Variants in METTL6 observed in about 807,000 individuals in gnomAD.
The protein encoded by METTL6 is tRNA N(3)-cytidine methyltransferase METTL6.
Under a neutral mutation model 26.4 loss-of-function variants are expected in METTL6, and 22 were observed. The ratio of observed to expected loss-of-function variants is 0.83; its 90% CI spans 0.59 to 1.19. The LOEUF is 1.19. Ranked by LOEUF, METTL6 falls within the 50% of genes most tolerant of loss-of-function variation. The pLI is 0.00. For synonymous variants in METTL6, 109 were observed against 116.2 expected (o/e 0.94, Z 0.40); for missense variants, 304 against 324.8 (o/e 0.94, Z 0.49).
Position 15,426,252 on chromosome 3 carries a change from A to T in METTL6, c.225+35T>A, listed in dbSNP as rs769502759. On this transcript the variant is annotated intron_variant, in intron 2 of 5. Coordinates refer to ENST00000383790, the MANE Select transcript of METTL6 (RefSeq NM_152396.4). ...TGGCACCCTCTTCACATTTTAAATG[A>T]AGAACAGCTCAGATAAGGCGTAATA... 5.6e-6 allele frequency: 9 copies of T among 1,593,516 alleles called. No homozygotes were observed. In the East Asian group the frequency reaches 8.9e-5, roughly 16 times the overall value.
downstream of METTL6, among the ~76,000 whole-genome samples, chr3:15,405,178 A>G (rs1391518813): frequency 1.3e-5 from 2 of 152,232 alleles, no homozygotes; most frequent in Admixed American, 1.3e-4. Flanking sequence ...AAAAAAAATT[A>G]GGACCCTTCA....
In METTL6 at chr3:15,424,902, C is replaced by G. The variant is rs2061684014; in HGVS notation, c.360+53G>C. On this transcript the variant is annotated intron_variant, in intron 3 of 5. Coordinates refer to ENST00000383790, the MANE Select transcript of METTL6 (RefSeq NM_152396.4). ...AAATGAATAAAAAAGGCAGATCAAA[C>G]AAGATCGGCAAGAAAACAGAAACAC... The G allele has an allele frequency of 1.4e-5, 23 of 1,608,466 alleles. 1 individual carries two copies. In the South Asian group the frequency reaches 2.5e-4, roughly 18 times the overall value.
intron 6 of METTL6, among the ~76,000 whole-genome samples, chr3:15,393,541 G>A (rs993264977): frequency 1.3e-5 from 2 of 152,196 alleles, no homozygotes; most frequent in African/African-American, 4.8e-5. Context: ...ATGTTGAATA[G>A]GAGTGGTGAG....
Position 15,410,010 on chromosome 3 carries a change from TCTTTACGTGCTACAGGGTC to T in METTL6, c.*1227_*1245del, listed in dbSNP as rs2124958239. Among the ~76,000 whole-genome samples the T allele has an allele frequency of 6.6e-6, 1 of 152,288 alleles. No homozygotes were observed. Among genetic ancestry groups the T allele is most frequent in the East Asian group, 1.9e-4 (1 of 5,182 alleles). On this transcript the variant is annotated 3_prime_UTR_variant, in exon 6 of 6. Coordinates refer to ENST00000383790, the MANE Select transcript of METTL6 (RefSeq NM_152396.4). ...AGTCACATGAGTAATGACAAGAATC[TCTTTACGTGCTACAGGGTC>T]CTTAGGCTTTTCTTTGTGGAATTTT... is the stretch of plus-strand genomic sequence containing the variant.
intron 6 of METTL6, among the ~76,000 whole-genome samples, chr3:15,397,380 G>A (rs905460481): frequency 5.3e-5 from 8 of 152,148 alleles, no homozygotes; most frequent in African/African-American, 1.4e-4. Flanking sequence ...GGTGTCGTCC[G>A]TCACCCCTTT....
chr3:15,406,629 T>TAGAGAGAG (rs1211289541), downstream of METTL6, among the ~76,000 whole-genome samples: 13 of 20,730 alleles, frequency 6.3e-4, 1 homozygote, highest in South Asian at 2.6e-3. Flanking sequence ...TATATATATA[T>TAGAGAGAG]AGAGAGAGAG....
intron 3 of METTL6, among the ~76,000 whole-genome samples, chr3:15,421,863 G>A (rs1433550152): frequency 6.6e-6 from 1 of 152,194 alleles, no homozygotes; most frequent in African/African-American, 2.4e-5. Flanking sequence ...AGTGAGCCGA[G>A]ATCGTGCCAC....
At chr3:15,387,951 T>G (rs1295071415) in intron 6 of METTL6, among the ~76,000 whole-genome samples, 1 of 152,102 alleles carries the variant, frequency 6.6e-6, no homozygotes, top group African/African-American at 2.4e-5. Context: ...TCACCTTGCC[T>G]GCTGCCTAGA....
chr3:15,412,480 TTTTG>T (rs1700010138), intron 5 of METTL6, among the ~76,000 whole-genome samples: 1 of 151,784 alleles, frequency 6.6e-6, no homozygotes, highest in Admixed American at 6.6e-5. Context: ...TTGCATTTTG[TTTTG>T]TTTTGTTTTG....
chr3:15,385,409 C>A (rs915708084), intron 6 of METTL6, among the ~76,000 whole-genome samples: 1 of 152,046 alleles, frequency 6.6e-6, no homozygotes, highest in Non-Finnish European at 1.5e-5. Flanking sequence ...ACCAGCCTGG[C>A]CAACATGGGG....
chr3:15,427,321 G>C (rs1239288609), intron 1 of METTL6, 81 bp downstream of exon 1: 2 of 191,106 alleles, frequency 1.0e-5, no homozygotes, highest in Non-Finnish European at 2.2e-5. Context: ...GCCGACCCGC[G>C]TTAATTTAGT....
downstream of METTL6, among the ~76,000 whole-genome samples, chr3:15,405,519 T>C (rs1699761409): frequency 6.6e-6 from 1 of 152,174 alleles, no homozygotes; most frequent in African/African-American, 2.4e-5. Flanking sequence ...CTAGAAAACA[T>C]TTGTAATAAT....
At position 15,411,382 on chromosome 3, in the gene METTL6, A is replaced by G. The variant is rs754549520; in HGVS notation, c.729T>C (p.Tyr243=). The G allele has an allele frequency of 6.2e-7, 1 of 1,614,180 alleles. No individual in the cohort carries two copies. Among genetic ancestry groups the G allele is most frequent in the Non-Finnish European group, 8.5e-7 (1 of 1,180,042 alleles). ...TTTTATTCACCGTCTCTCGAAACAC[A>G]TACTCGTTTACCACTTCTTCATAAC... is the stretch of plus-strand genomic sequence containing the variant. ...DTGYEEVVNE[Y]VFRETVNKKE... Residue 243 remains tyrosine (Y), a synonymous_variant, in exon 6 of 6, where the codon TAT becomes TAC. Coordinates refer to ENST00000383790, the MANE Select transcript of METTL6 (RefSeq NM_152396.4).
Position 15,417,588 on chromosome 3 carries a change from G to A in METTL6, c.361-1646C>T, listed in dbSNP as rs147118384. 3.1e-3 allele frequency among the ~76,000 whole-genome samples: 472 copies of A among 152,076 alleles called. 11 individuals carry two copies. The highest frequency in any genetic ancestry group is 0.028 in the Admixed American group (421 of 15,286). ...ACATGGTTTGAGAATGGAGACAAAT[G>A]TATCACTGAGACAAAACAGAGTCCC... On this transcript the variant is annotated intron_variant, in intron 3 of 5. Transcript: ENST00000383790.
At chr3:15,390,423 G>T (rs940786388) in intron 6 of METTL6, among the ~76,000 whole-genome samples, 2 of 152,084 alleles carry the variant, frequency 1.3e-5, no homozygotes, top group African/African-American at 4.8e-5. Flanking sequence ...GCAAGACTCT[G>T]TCTCAAAAAA....
chr3:15,390,298 C>T (rs965525367), intron 6 of METTL6, among the ~76,000 whole-genome samples: 27 of 151,940 alleles, frequency 1.8e-4, no homozygotes, highest in Non-Finnish European at 2.9e-5. Context: ...TGTGTTGGTA[C>T]GCACCTGTAG....
chr3:15,399,939 A>G (rs1370023045), intron 6 of METTL6, among the ~76,000 whole-genome samples: 2 of 152,170 alleles, frequency 1.3e-5, no homozygotes, highest in Non-Finnish European at 2.9e-5. Context: ...TCCTTTTGTG[A>G]AAGAAATTTA....
At chr3:15,388,502 A>G (rs925996865) in intron 6 of METTL6, among the ~76,000 whole-genome samples, 1 of 152,204 alleles carries the variant, frequency 6.6e-6, no homozygotes, top group African/African-American at 2.4e-5. Flanking sequence ...TAAAATCATA[A>G]GAAGCTGAAG....
downstream of METTL6, among the ~76,000 whole-genome samples, chr3:15,405,668 G>C (rs1308659380): frequency 6.6e-6 from 1 of 152,208 alleles, no homozygotes; most frequent in Non-Finnish European, 1.5e-5. Flanking sequence ...AGGACCCCAA[G>C]ATTAAACCTT....
Sources: allele counts gnomAD v4.1 joint callset (sites outside exome capture counted in the v4.1 genomes callset), GRCh38; gene constraint gnomAD v4.1.1; transcripts MANE v1.5; gene names NCBI Gene and HGNC (gene_info 2026-07-23, HGNC 2026-07-21).